The following PDLIM5 variants were observed in gnomAD, a reference collection of about 807,000 sequenced individuals.
PDLIM5 encodes the protein PDZ and LIM domain protein 5.
In PDLIM5, 34 loss-of-function variants were observed where a neutral mutation model predicts 64.2. The ratio of observed to expected loss-of-function variants is 0.53; its 90% CI spans 0.40 to 0.71. The LOEUF (loss-of-function observed/expected upper bound fraction) is 0.71, where lower values mean the gene tolerates loss of function less well. Among genes scored for constraint, PDLIM5 ranks in the 30% least tolerant of loss-of-function variants. The pLI is 0.00. For synonymous variants in PDLIM5, 253 were observed against 269.1 expected (o/e 0.94, Z 0.59); for missense variants, 683 against 733.6 (o/e 0.93, Z 0.80).
chr4:94,628,441 C>T (rs1224841523), intron 8 of PDLIM5, among the ~76,000 whole-genome samples: 2 of 151,952 alleles, frequency 1.3e-5, no homozygotes, highest in African/African-American at 4.8e-5. Flanking sequence ...AAGGAGTATC[C>T]CAATTTTTAA....
intron 11 of PDLIM5, among the ~76,000 whole-genome samples, chr4:94,659,484 A>ATGTGTGTG (rs1477746279): frequency 2.2e-5 from 3 of 133,708 alleles, no homozygotes; most frequent in Admixed American, 7.8e-5. Context: ...GCTGTAGTAT[A>ATGTGTGTG]TATGTGTGTA....
intron 7 of PDLIM5, chr4:94,588,118 CT>C: frequency 1.1e-6 from 1 of 949,194 alleles, no homozygotes; most frequent in Non-Finnish European, 1.3e-6. Context: ...ATAAAGTTGC[CT>C]TTAACTTAGC....
chr4:94,548,641 A>G lies in PDLIM5; in HGVS notation c.249-24710A>G, dbSNP rs1401726721. Among the ~76,000 whole-genome samples, 3 of 152,206 alleles carry G rather than the reference A, an allele frequency of 2.0e-5. No individual in the cohort carries two copies. The East Asian group carries it at 5.8e-4, about 29-fold the overall frequency. On this transcript the variant is annotated intron_variant, in intron 3 of 12. Transcript: ENST00000317968. ...GGGTGAACCAAAAGACATCAGATAT[A>G]AAGTGCCTGTTTACTCCCTCTGAGT...
chr4:94,572,638 G>C (rs1734904250), intron 3 of PDLIM5, among the ~76,000 whole-genome samples: 1 of 152,048 alleles, frequency 6.6e-6, no homozygotes, highest in Non-Finnish European at 1.5e-5. Flanking sequence ...TTATATACAT[G>C]GATTTTTGTC....
Position 94,585,704 on chromosome 4 carries a change from C to T in PDLIM5, c.850C>T (p.Arg284Ter), listed in dbSNP as rs772427411. ...RTGTTQSRSF[R>*]ILAQITGTEH... Reference sequence around the variant, plus strand: ...TGGAACAACTCAGTCTCGCTCTTTCCGAATCCTTGCCCAGATCACTGGGAC... The same window carrying T: ...TGGAACAACTCAGTCTCGCTCTTTCTGAATCCTTGCCCAGATCACTGGGAC... The change falls in exon 6 of 13, where the codon CGA becomes TGA. Residue 284 changes from arginine (R) to a stop codon, truncating the protein, a stop_gained. Transcript: ENST00000317968. LOFTEE classifies it high-confidence loss of function. 1.9e-6 allele frequency: 3 copies of T among 1,613,628 alleles called. No individual in the cohort carries two copies. The highest frequency in any genetic ancestry group is 1.7e-5 in the Admixed American group (1 of 59,986).
At chr4:94,588,399 A>C (rs180833191) in intron 7 of PDLIM5, among the ~76,000 whole-genome samples, 1 of 152,196 alleles carries the variant, frequency 6.6e-6, no homozygotes, top group African/African-American at 2.4e-5. Flanking sequence ...CCCCATCTCT[A>C]CTAAACATAC....
In PDLIM5 at chr4:94,492,135, C is replaced by G. The variant is rs1015648429; in HGVS notation, c.97-31589C>G. 4.2e-5 allele frequency among the ~76,000 whole-genome samples: 5 copies of G among 119,896 alleles called. No individual in the cohort carries two copies. The East Asian group carries it at 1.1e-3, about 27-fold the overall frequency. 78.7% of individuals were successfully genotyped at this position (119,896 alleles called of 152,430 possible). On this transcript the variant is annotated intron_variant, in intron 2 of 12. Transcript: ENST00000317968. ...AGCTTTAAGAATTGTTTTTCTTTTC[C>G]CATTTCCCATGAGTTAATGGATAAG...
At chr4:94,656,797 G>T (rs941434263) in intron 10 of PDLIM5, 1 of 151,470 alleles carries the variant, frequency 6.6e-6, no homozygotes, top group Non-Finnish European at 1.5e-5. Flanking sequence ...ACCACGCCCA[G>T]CTAATTTTTT....
At chr4:94,564,258 G>A (rs1019654410) in intron 3 of PDLIM5, among the ~76,000 whole-genome samples, 10 of 151,934 alleles carry the variant, frequency 6.6e-5, no homozygotes, top group Non-Finnish European at 1.3e-4. Flanking sequence ...CATCGTGCCC[G>A]GCCTTAGAAA....
intron 2 of PDLIM5, among the ~76,000 whole-genome samples, chr4:94,502,478 C>G (rs1383012019): frequency 6.6e-6 from 1 of 152,190 alleles, no homozygotes; most frequent in Non-Finnish European, 1.5e-5. Context: ...GCCCTGTGAT[C>G]TTTAGCTCTG....
chr4:94,559,851 A>AATC (rs143299089), intron 3 of PDLIM5, among the ~76,000 whole-genome samples: 12 of 152,354 alleles, frequency 7.9e-5, no homozygotes, highest in African/African-American at 2.9e-4. Context: ...CATGTTGGAT[A>AATC]CACAGTAATA....
In PDLIM5 at chr4:94,625,675, G is replaced by C. The variant is rs13145222; in HGVS notation, c.1108+7484G>C. Among the ~76,000 whole-genome samples, 108 of 152,114 alleles carry C rather than the reference G, an allele frequency of 7.1e-4. 1 individual carries two copies. Among genetic ancestry groups the C allele is most frequent in the Non-Finnish European group, 1.1e-3 (74 of 67,984 alleles). On this transcript the variant is annotated intron_variant, in intron 8 of 12. Transcript: ENST00000317968. ...TCACCGTGTTAGCCAGGATGGTCTC[G>C]ATCTCCTGACCTTGTGATCTGCCCG...
intron 1 of PDLIM5, among the ~76,000 whole-genome samples, chr4:94,452,653 C>T (rs1163686809): frequency 2.0e-5 from 3 of 152,152 alleles, no homozygotes; most frequent in Non-Finnish European, 2.9e-5. Flanking sequence ...ACTGTGCCTT[C>T]GGTGCGTTTT....
intron 9 of PDLIM5, among the ~76,000 whole-genome samples, chr4:94,643,061 T>C (rs530628215): frequency 6.6e-6 from 1 of 152,278 alleles, no homozygotes; most frequent in East Asian, 1.9e-4. Context: ...TATTTTATTT[T>C]ATTTATTTTT....
chr4:94,555,193 A>G (rs1298638570), intron 3 of PDLIM5, among the ~76,000 whole-genome samples: 2 of 152,098 alleles, frequency 1.3e-5, no homozygotes, highest in Non-Finnish European at 2.9e-5. Flanking sequence ...AGCTGGGATT[A>G]CAGGCACGCA....
At chr4:94,536,909 G>A (rs1393063273) in intron 3 of PDLIM5, among the ~76,000 whole-genome samples, 1 of 152,174 alleles carries the variant, frequency 6.6e-6, no homozygotes, top group Admixed American at 6.5e-5. Flanking sequence ...AAAAGTACAT[G>A]GGAGTGATTG....
In PDLIM5 at chr4:94,633,037, G is replaced by A. The variant is rs542631412; in HGVS notation, c.1109-7239G>A. 5.3e-5 allele frequency among the ~76,000 whole-genome samples: 8 copies of A among 152,094 alleles called. No individual in the cohort carries two copies. In the South Asian group the frequency reaches 1.7e-3, roughly 32 times the overall value. ...ATAATCAGAAAAAAATTGAAAATTG[G>A]GTATTTCATGATATTAAGGAATATT... is the stretch of plus-strand genomic sequence containing the variant. On this transcript the variant is annotated intron_variant, in intron 8 of 12. Coordinates refer to ENST00000317968, the MANE Select transcript of PDLIM5 (RefSeq NM_006457.5).
chr4:94,551,324 G>A (rs1732787923), intron 3 of PDLIM5, among the ~76,000 whole-genome samples: 1 of 152,032 alleles, frequency 6.6e-6, no homozygotes, highest in Non-Finnish European at 1.5e-5. Flanking sequence ...AAAATTAGTA[G>A]TCTGAAACTA....
chr4:94,528,941 C>T (rs758010079), intron 3 of PDLIM5, among the ~76,000 whole-genome samples: 2 of 152,066 alleles, frequency 1.3e-5, no homozygotes, highest in African/African-American at 2.4e-5. Flanking sequence ...CAAAGCAGAG[C>T]GAAGAGCCAG....
Sources: gnomAD v4.1 joint callset for allele counts (sites outside exome capture counted in the v4.1 genomes callset) on GRCh38, gnomAD v4.1.1 for gene constraint, MANE v1.5 for transcripts, NCBI Gene and HGNC (gene_info 2026-07-23, HGNC 2026-07-21) for gene names.